The following TIPIN variants were observed in gnomAD, a reference collection of about 807,000 sequenced individuals.
The protein encoded by TIPIN is TIMELESS interacting protein, also known as TIMELESS-interacting protein.
In TIPIN, 29 loss-of-function variants were observed where a neutral mutation model predicts 35.6. The observed-to-expected ratio is 0.82, with a 90% CI of 0.61 to 1.11. TIPIN has a LOEUF of 1.11. Ranked by LOEUF, TIPIN falls within the 50% of genes most tolerant of loss-of-function variation. The pLI is 0.00. For missense variants in TIPIN, 296 were observed against 345.4 expected, an observed-to-expected ratio of 0.86 and a Z score of 1.13; for synonymous variants, 102 against 121.5, an observed-to-expected ratio of 0.84 and a Z score of 1.06.
chr15:66,370,008 A>G (rs1015211529), intron 1 of TIPIN, among the ~76,000 whole-genome samples: 11 of 152,298 alleles, frequency 7.2e-5, no homozygotes, highest in African/African-American at 2.4e-4. Context: ...TATGACATGT[A>G]TTTGAATGAA....
intron 1 of TIPIN, among the ~76,000 whole-genome samples, chr15:66,369,259 T>G (rs1353441567): frequency 3.9e-5 from 6 of 151,980 alleles, no homozygotes; most frequent in African/African-American, 1.4e-4. Flanking sequence ...TAAAGCAATC[T>G]GGCACATTGC....
chr15:66,365,572 A>C (rs960280640), intron 1 of TIPIN, among the ~76,000 whole-genome samples: 3 of 152,018 alleles, frequency 2.0e-5, no homozygotes, highest in African/African-American at 7.2e-5. Context: ...GTTGAGACGG[A>C]GTTTAGCTCT....
chr15:66,385,122 C>A (rs2093332019), intron 1 of TIPIN, among the ~76,000 whole-genome samples: 1 of 152,206 alleles, frequency 6.6e-6, no homozygotes, highest in Non-Finnish European at 1.5e-5. Context: ...AACTAACCTC[C>A]CATCTAAGCT....
chr15:66,383,058 A>T, intron 1 of TIPIN: 1 of 942,496 alleles, frequency 1.1e-6, no homozygotes, highest in Non-Finnish European at 1.3e-6. Context: ...CTTAGGGTTT[A>T]CTCAGTGGAG....
chr15:66,359,154 AAC>A (rs538620517), upstream of TIPIN, among the ~76,000 whole-genome samples: 37 of 134,746 alleles, frequency 2.7e-4, no homozygotes, highest in South Asian at 4.6e-4. Context: ...CCTGTCTCAA[AAC>A]ACACACACAC....
chr15:66,376,880 T>C (rs1595820813), intron 1 of TIPIN, among the ~76,000 whole-genome samples: 2 of 151,600 alleles, frequency 1.3e-5, no homozygotes, highest in Non-Finnish European at 2.9e-5. Flanking sequence ...AGGCCAAGAC[T>C]GGTGGATCAC....
intron 1 of TIPIN, among the ~76,000 whole-genome samples, chr15:66,369,288 TC>T (rs1482099582): frequency 6.6e-6 from 1 of 151,356 alleles, no homozygotes; most frequent in East Asian, 1.9e-4. Flanking sequence ...GATTCCTTGC[TC>T]CCTGGGAGTA....
upstream of TIPIN, chr15:66,356,690 G>A (rs1291745688): frequency 2.0e-6 from 2 of 985,412 alleles, no homozygotes; most frequent in Non-Finnish European, 2.4e-6. Flanking sequence ...CAGACTAAGC[G>A]CGCTTCTCGC....
intron 1 of TIPIN, chr15:66,382,831 A>G (rs2093323074): frequency 1.9e-5 from 10 of 531,394 alleles, no homozygotes; most frequent in Non-Finnish European, 2.4e-5. Context: ...AGTGTTTATT[A>G]TTATACATCA....
chr15:66,349,654 G>A lies in TIPIN; in HGVS notation c.289-217C>T, dbSNP rs558804362. Among the ~76,000 whole-genome samples, 11 of 152,090 alleles carry A rather than the reference G, an allele frequency of 7.2e-5. 1 individual carries two copies. The highest frequency in any genetic ancestry group is 3.3e-4 in the Admixed American group (5 of 15,238). ...AGCACTATGGGAGGCCTAGGGGGAC[G>A]GATCACTTGAGCTAAGGAGTTTAAG... On this transcript the variant is annotated intron_variant, in intron 4 of 7. Transcript: ENST00000261881.
intron 1 of TIPIN, among the ~76,000 whole-genome samples, chr15:66,369,539 G>A (rs908049551): frequency 1.3e-5 from 2 of 151,274 alleles, no homozygotes; most frequent in African/African-American, 4.9e-5. Context: ...TAGTAGAGAC[G>A]GGGTTTCACC....
Position 66,337,089 on chromosome 15 carries a change from T to A in TIPIN, c.775A>T (p.Ile259Phe), listed in dbSNP as rs748858524. ...KEESNGLNED[I>F]LDNPCNDAIA... ...GCATCATTACATGGATTGTCCAGAA[T>A]GTCTTCGTTTAATCCATTTGACTCC... The change falls in exon 8 of 8, where the codon ATT becomes TTT. Residue 259 changes from isoleucine to phenylalanine, a missense_variant. Physicochemically the swap from Ile to Phe is conservative, Grantham distance 21. Coordinates refer to ENST00000261881, the MANE Select transcript of TIPIN (RefSeq NM_017858.3). The A allele has an allele frequency of 6.2e-7, 1 of 1,614,042 alleles. No homozygotes were observed. The highest frequency in any genetic ancestry group is 8.5e-7 in the Non-Finnish European group (1 of 1,180,026).
intron 1 of TIPIN, among the ~76,000 whole-genome samples, chr15:66,378,643 C>T (rs1237832255): frequency 6.6e-6 from 1 of 151,422 alleles, no homozygotes; most frequent in Non-Finnish European, 1.5e-5. Context: ...AAATGTTTTT[C>T]TCATTCCAAA....
In TIPIN at chr15:66,336,881, C is replaced by A; in HGVS notation, c.*77G>T. ...GTTTTACTATCTAAGGATTTTCACT[C>A]CAAGAAGAAAAAATACATAGTAACG... On this transcript the variant is annotated 3_prime_UTR_variant, in exon 8 of 8. Transcript: ENST00000261881. 1 of 1,288,988 alleles carries A rather than the reference C, an allele frequency of 7.8e-7. No homozygotes were observed. The highest frequency in any genetic ancestry group is 2.0e-5 in the Admixed American group (1 of 50,102). 79.8% of individuals were successfully genotyped at this position (1,288,988 alleles called of 1,614,324 possible). A position where few individuals can be genotyped will look rare whatever the true frequency, so the allele number is the denominator to read the frequency against.
At chr15:66,345,293 G>A (rs1410112909) in intron 6 of TIPIN, among the ~76,000 whole-genome samples, 1 of 152,106 alleles carries the variant, frequency 6.6e-6, no homozygotes, top group African/African-American at 2.4e-5. Flanking sequence ...AGGAACAGCT[G>A]GAGGCCAAGC....
At chr15:66,379,994 C>CT in intron 1 of TIPIN, 5 of 422,342 alleles carry the variant, frequency 1.2e-5, no homozygotes, top group Admixed American at 4.5e-5. Flanking sequence ...TCTTTTCTTT[C>CT]TTTCTTTCTT....
chr15:66,350,673 T>C (rs1280598414), intron 4 of TIPIN, among the ~76,000 whole-genome samples: 1 of 150,766 alleles, frequency 6.6e-6, no homozygotes, highest in East Asian at 2.0e-4. Context: ...CTCACGCCTG[T>C]AATCCCAGCA....
chr15:66,347,250 C>T (rs2093132682), intron 6 of TIPIN: 1 of 518,726 alleles, frequency 1.9e-6, no homozygotes, highest in Non-Finnish European at 3.8e-6. Context: ...ACTATACAGA[C>T]CCTGTCGGCA....
rs899065162 is a variant in TIPIN, at chr15:66,349,165, A to G, written c.412-42T>C. 3 of 1,602,848 alleles carry G rather than the reference A, an allele frequency of 1.9e-6. No homozygotes were observed. The African/African-American group carries it at 4.0e-5, about 21-fold the overall frequency. On this transcript the variant is annotated intron_variant, in intron 5 of 7. Coordinates refer to ENST00000261881, the MANE Select transcript of TIPIN (RefSeq NM_017858.3). ...ATTATTTATTTTTACCTCTTTACCA[A>G]TCATGTTGGGGGGAGATAATTTGCT...
Sources: allele counts gnomAD v4.1 joint callset (sites outside exome capture counted in the v4.1 genomes callset), GRCh38; gene constraint gnomAD v4.1.1; transcripts MANE v1.5; gene names NCBI Gene and HGNC (gene_info 2026-07-23, HGNC 2026-07-21).